CCNY: variants seen among roughly 807,000 people sequenced by gnomAD.
CCNY encodes the protein cyclin-Y.
Under a neutral mutation model 42.8 loss-of-function variants are expected in CCNY, and 19 were observed. The observed-to-expected ratio is 0.44, with a 90% confidence interval of 0.31 to 0.65. The LOEUF is 0.65. Among genes scored for constraint, CCNY ranks in the 30% least tolerant of loss-of-function variants. CCNY has a pLI of 0.07. For synonymous variants in CCNY, 165 were observed against 162.7 expected (o/e 1.01, Z -0.11); for missense variants, 370 against 437.3 (o/e 0.85, Z 1.37).
chr10:35,535,534 A>G (rs575767113), intron 7 of CCNY, among the ~76,000 whole-genome samples: 1 of 152,170 alleles, frequency 6.6e-6, no homozygotes, highest in South Asian at 2.1e-4. Context: ...ATGTATACGT[A>G]TATGTATACA....
upstream of CCNY, among the ~76,000 whole-genome samples, chr10:35,334,796 CTAGATG>C (rs939590108): frequency 2.1e-4 from 32 of 152,142 alleles, no homozygotes; most frequent in African/African-American, 7.5e-4. Context: ...TAAAAAATGG[CTAGATG>C]TAGAGAATTA....
At chr10:35,554,609 G>A (rs1193748696) in intron 8 of CCNY, among the ~76,000 whole-genome samples, 6 of 152,102 alleles carry the variant, frequency 3.9e-5, no homozygotes, top group Non-Finnish European at 5.9e-5. Flanking sequence ...TGAACAGCAC[G>A]TCACATGATG....
intron 3 of CCNY, among the ~76,000 whole-genome samples, chr10:35,324,538 G>A (rs1835857565): frequency 6.6e-6 from 1 of 152,180 alleles, no homozygotes; most frequent in Non-Finnish European, 1.5e-5. Flanking sequence ...TGGTCTCAAG[G>A]AGCTGAAGAT....
chr10:35,480,403 G>A (rs1408055744), intron 1 of CCNY, among the ~76,000 whole-genome samples: 1 of 152,114 alleles, frequency 6.6e-6, no homozygotes, highest in African/African-American at 2.4e-5. Context: ...TCTTGAGGAG[G>A]AGCGGAGAGG....
chr10:35,517,586 C>G (rs1325856562), intron 4 of CCNY, among the ~76,000 whole-genome samples: 4 of 152,196 alleles, frequency 2.6e-5, no homozygotes, highest in Non-Finnish European at 2.9e-5. Context: ...AGGACTATAG[C>G]CATCTGTAGT....
intron 2 of CCNY, among the ~76,000 whole-genome samples, chr10:35,496,333 G>T (rs1840002279): frequency 6.6e-6 from 1 of 152,230 alleles, no homozygotes. Flanking sequence ...TGTTCTTGTT[G>T]GAGGGCGGAT....
chr10:35,381,753 T>C (rs968108644), intron 1 of CCNY, among the ~76,000 whole-genome samples: 7 of 152,166 alleles, frequency 4.6e-5, no homozygotes, highest in African/African-American at 7.2e-5. Flanking sequence ...TCTGTAGTAT[T>C]ACGTATATCT....
chr10:35,376,638 G>A lies in CCNY; in HGVS notation c.154+39431G>A, dbSNP rs141988086. Among the ~76,000 whole-genome samples the A allele has an allele frequency of 2.0e-3, 304 of 152,202 alleles. 2 individuals carry two copies. Among genetic ancestry groups the A allele is most frequent in the African/African-American group, 6.9e-3 (286 of 41,544 alleles). On this transcript the variant is annotated intron_variant, in intron 1 of 9. Coordinates refer to ENST00000374704, the MANE Select transcript of CCNY (RefSeq NM_145012.6). ...ATATAATGCATATGTTCCCAAATCCGAAAAAGCCTTTAATCCAGAACATTT... is the reference window on the plus strand; with the variant it reads ...ATATAATGCATATGTTCCCAAATCCAAAAAAGCCTTTAATCCAGAACATTT...
chr10:35,513,305 A>T (rs114474880), intron 3 of CCNY, among the ~76,000 whole-genome samples: 1 of 152,280 alleles, frequency 6.6e-6, no homozygotes, highest in Non-Finnish European at 1.5e-5. Flanking sequence ...CTCCCCTTCT[A>T]AGCAGTTCGT....
intron 8 of CCNY, among the ~76,000 whole-genome samples, chr10:35,557,824 C>A (rs982531880): frequency 3.3e-5 from 5 of 152,270 alleles, no homozygotes; most frequent in Admixed American, 2.0e-4. Context: ...AAATAGATTT[C>A]TTAATGAGAT....
At chr10:35,444,122 A>G (rs911173108) in intron 1 of CCNY, among the ~76,000 whole-genome samples, 4 of 150,104 alleles carry the variant, frequency 2.7e-5, no homozygotes, top group Admixed American at 6.7e-5. Flanking sequence ...ACCCATTTCC[A>G]ACACACTTGA....
In CCNY at chr10:35,570,317, A is replaced by G. The variant is rs1037626091; in HGVS notation, c.*1147A>G. On this transcript the variant is annotated 3_prime_UTR_variant, in exon 10 of 10. Transcript: ENST00000374704. ...CTATTTACTGAGGTATTTTTCACAG[A>G]ATGATTGAATTAAAAAAAACTCAAC... 1.3e-5 allele frequency: 2 copies of G among 152,440 alleles called. No individual in the cohort carries two copies. The highest frequency in any genetic ancestry group is 6.5e-5 in the Admixed American group (1 of 15,296). 9.4% of individuals were successfully genotyped at this position (152,440 alleles called of 1,614,324 possible). A position where few individuals can be genotyped will look rare whatever the true frequency, so the allele number is the denominator to read the frequency against.
chr10:35,346,416 A>G (rs1003932058), intron 1 of CCNY, among the ~76,000 whole-genome samples: 2 of 152,210 alleles, frequency 1.3e-5, no homozygotes, highest in African/African-American at 4.8e-5. Context: ...TGAGCATGTC[A>G]GCCTGGCAAG....
At chr10:35,537,923 T>A (rs1185492098) in intron 7 of CCNY, among the ~76,000 whole-genome samples, 3 of 152,138 alleles carry the variant, frequency 2.0e-5, no homozygotes, top group Non-Finnish European at 2.9e-5. Flanking sequence ...ATGATACGGT[T>A]TGGCTGTGTC....
intron 1 of CCNY, among the ~76,000 whole-genome samples, chr10:35,346,742 T>C (rs1836312686): frequency 6.6e-6 from 1 of 152,208 alleles, no homozygotes; most frequent in Admixed American, 6.5e-5. Context: ...TCCTCCCACC[T>C]CAGCCTCCTG....
At chr10:35,422,376 C>T (rs181084540) in intron 1 of CCNY, among the ~76,000 whole-genome samples, 3 of 152,222 alleles carry the variant, frequency 2.0e-5, no homozygotes, top group Non-Finnish European at 4.4e-5. Flanking sequence ...GCATTAGATC[C>T]GAGCTCCTGG....
At chr10:35,519,642 A>G (rs548314645) in intron 4 of CCNY, among the ~76,000 whole-genome samples, 1 of 152,228 alleles carries the variant, frequency 6.6e-6, no homozygotes, top group South Asian at 2.1e-4. Context: ...AAGAGTAGGA[A>G]CAAGCTATGA....
intron 1 of CCNY, among the ~76,000 whole-genome samples, chr10:35,431,688 A>G: frequency 6.6e-6 from 1 of 151,976 alleles, no homozygotes; most frequent in South Asian, 2.1e-4. Flanking sequence ...AGAATCCAGT[A>G]AAGCCATGCT....
At chr10:35,281,529 C>A (rs1469506992) in intron 3 of CCNY, among the ~76,000 whole-genome samples, 1 of 151,998 alleles carries the variant, frequency 6.6e-6, no homozygotes, top group Non-Finnish European at 1.5e-5. Flanking sequence ...GTCTTGAACT[C>A]CTGACCTCAT....
Sources: gnomAD v4.1 joint callset for allele counts (sites outside exome capture counted in the v4.1 genomes callset) on GRCh38, gnomAD v4.1.1 for gene constraint, MANE v1.5 for transcripts, NCBI Gene and HGNC (gene_info 2026-07-23, HGNC 2026-07-21) for gene names.